The following ASMTL variants were observed in gnomAD, a reference collection of about 807,000 sequenced individuals.
ASMTL encodes the protein probable bifunctional dTTP/UTP pyrophosphatase/methyltransferase protein.
ASMTL carries 57 observed loss-of-function variants against 60.3 expected under a neutral mutation model. That is an observed-to-expected ratio of 0.95 (90% CI 0.76 to 1.18). ASMTL has a LOEUF of 1.18. Among genes scored for constraint, ASMTL ranks in the 50% most tolerant of loss-of-function variants. The probability of loss-of-function intolerance (pLI) is 0.00; values close to 1 mark genes in which losing one functional copy is unlikely to be tolerated. For missense variants in ASMTL, 981 were observed against 852.6 expected (o/e 1.15, Z -1.88); for synonymous variants, 419 against 373.0 (o/e 1.12, Z -1.42).
At chrX:1,446,065 G>A (rs186013797) in intron 1 of ASMTL, among the ~76,000 whole-genome samples, 276 of 152,278 alleles carry the variant, frequency 1.8e-3, no homozygotes, top group African/African-American at 6.3e-3. Context: ...CTCCTAGTCC[G>A]CCTTCATGTT....
intron 3 of ASMTL, 122 bp downstream of exon 3, chrX:1,438,975 G>C: frequency 9.0e-7 from 1 of 1,113,036 alleles, no homozygotes; most frequent in Non-Finnish European, 1.3e-6. Context: ...TGTGATGGGA[G>C]TTTCTGGAAG....
At chrX:1,417,943 G>A (rs2090355984) in intron 11 of ASMTL, 30 bp downstream of exon 11, 7 of 1,584,148 alleles carry the variant, frequency 4.4e-6, no homozygotes, top group Non-Finnish European at 6.0e-6. Context: ...TCTGGAAAAG[G>A]TTAGCAGGGT....
At position 1,427,977 on chromosome X, in the gene ASMTL, C is replaced by T. The variant is rs772653957; in HGVS notation, c.654G>A (p.Glu218=). ...CGTGCTTGACACTCCGCCGCAGGTC[C>T]TCCGGACGGGGCGGGTAGTAGAGCT... The part of the protein sequence containing the change: ...LVKLYYPPRP[E]DLRRSVKHDS... Residue 218 remains glutamate (E), a synonymous_variant, in exon 7 of 13, where the codon GAG becomes GAA. Transcript: ENST00000381317. 1 of 1,613,606 alleles carries T rather than the reference C, an allele frequency of 6.2e-7. No homozygotes were observed. Among genetic ancestry groups the T allele is most frequent in the South Asian group, 1.1e-5 (1 of 91,076 alleles).
intron 5 of ASMTL, 140 bp from the exon 6 acceptor site, chrX:1,432,517 G>A (rs766689013): frequency 7.2e-6 from 5 of 691,094 alleles, no homozygotes; most frequent in South Asian, 3.4e-5. Flanking sequence ...GGGAGAATAA[G>A]GTTCATTTCG....
intron 12 of ASMTL, 43 bp from the exon 13 acceptor site, chrX:1,403,532 G>A (rs371222970): frequency 2.8e-5 from 44 of 1,582,220 alleles, no homozygotes; most frequent in Admixed American, 1.8e-4. Context: ...CCAGCCAGGC[G>A]GGGATCCTTC....
rs768974883 is a variant in ASMTL, at chrX:1,412,716, G to C, written c.1645+16C>G. The C allele has an allele frequency of 6.2e-6, 10 of 1,613,952 alleles. No individual in the cohort carries two copies. In the South Asian group the frequency reaches 9.9e-5, roughly 16 times the overall value. On this transcript the variant is annotated intron_variant, in intron 12 of 12. Coordinates refer to ENST00000381317, the MANE Select transcript of ASMTL (RefSeq NM_004192.4). ...ACGTCTTAACAAAAACAGCTAACCT[G>C]ACGATGGGCTCTCACCTGGCTTGCA...
At position 1,421,126 on chromosome X, in the gene ASMTL, AT is replaced by A. The variant is rs201727845; in HGVS notation, c.1245+531del. Among the ~76,000 whole-genome samples, 1,074 of 149,234 alleles carry A rather than the reference AT, an allele frequency of 7.2e-3. 16 individuals are homozygous for A. The highest frequency in any genetic ancestry group is 0.025 in the African/African-American group (999 of 40,678). On this transcript the variant is annotated intron_variant, in intron 9 of 12. Coordinates refer to ENST00000381317, the MANE Select transcript of ASMTL (RefSeq NM_004192.4). Reference sequence around the variant, plus strand: ...AGGCACGCGCCATCATCCCCAGCTAATTTTTTTTTTGTATTTTTAGTAGAGA... The same window carrying A: ...AGGCACGCGCCATCATCCCCAGCTAATTTTTTTTTGTATTTTTAGTAGAGA...
At chrX:1,404,919 GTAGA>G (rs1263564091) in intron 12 of ASMTL, among the ~76,000 whole-genome samples, 77 of 147,026 alleles carry the variant, frequency 5.2e-4, no homozygotes, top group African/African-American at 1.9e-3. Context: ...GGGTACGTAG[GTAGA>G]TGTATGGATG....
chrX:1,443,244 C>T (rs1394046272), intron 1 of ASMTL, among the ~76,000 whole-genome samples: 4 of 35,306 alleles, frequency 1.1e-4, no homozygotes, highest in Admixed American at 6.9e-4. Context: ...ACACCGCCGT[C>T]GTGGACACAC....
At chrX:1,417,028 G>GAC (rs1556656728) in intron 11 of ASMTL, among the ~76,000 whole-genome samples, 1 of 22,280 alleles carries the variant, frequency 4.5e-5, no homozygotes, top group African/African-American at 5.4e-5. Flanking sequence ...AACACACAGA[G>GAC]ACACAGACAC....
intron 3 of ASMTL, among the ~76,000 whole-genome samples, chrX:1,436,112 G>A (rs1226018430): frequency 2.6e-5 from 4 of 152,152 alleles, no homozygotes; most frequent in Non-Finnish European, 5.9e-5. Flanking sequence ...TCCGGGGCTG[G>A]TTTCTGTCAC....
chrX:1,416,440 C>CGG (rs1295738641), intron 11 of ASMTL, among the ~76,000 whole-genome samples: 5,504 of 92,904 alleles, frequency 0.059, 1,436 homozygotes, highest in Non-Finnish European at 0.082. Context: ...CGCACATAAA[C>CGG]ATAGACATGC....
chrX:1,452,953 C>G, upstream of ASMTL: 1 of 800,078 alleles, frequency 1.2e-6, no homozygotes, highest in Non-Finnish European at 1.9e-6. Context: ...CGAGGCCACG[C>G]CCCCGCCCGC....
At chrX:1,432,530 CA>C (rs1445111566) in intron 5 of ASMTL, 153 bp from the exon 6 acceptor site, 2 of 183,714 alleles carry the variant, frequency 1.1e-5, no homozygotes, top group African/African-American at 4.8e-5. Flanking sequence ...TCATTTCGGA[CA>C]AGAAAAGGGA....
Position 1,418,034 on chromosome X carries a change from G to A in ASMTL, c.1461C>T (p.Ile487=), listed in dbSNP as rs376727581. 58 of 1,613,474 alleles carry A rather than the reference G, an allele frequency of 3.6e-5. No individual in the cohort carries two copies. The highest frequency in any genetic ancestry group is 8.9e-5 in the East Asian group (4 of 44,882). ...QVTVFDLPDI[I]ELAAHFQPPG... ...GGGGTTGGAAGTGGGCGGCCAGCTCGATAATGTCTGGGAGGTCAAACACAG... is the reference window on the plus strand; with the variant it reads ...GGGGTTGGAAGTGGGCGGCCAGCTCAATAATGTCTGGGAGGTCAAACACAG... Residue 487 remains isoleucine, a synonymous_variant, in exon 11 of 13, where the codon ATC becomes ATT. Transcript: ENST00000381317.
chrX:1,437,795 G>A (rs1194105767), intron 3 of ASMTL, among the ~76,000 whole-genome samples: 117 of 151,752 alleles, frequency 7.7e-4, no homozygotes, highest in African/African-American at 2.8e-3. Context: ...TACTCGGGAG[G>A]CTGAGGCAGG....
chrX:1,432,429 G>A (rs1202932781), intron 5 of ASMTL, 52 bp from the exon 6 acceptor site: 7 of 1,409,398 alleles, frequency 5.0e-6, no homozygotes, highest in African/African-American at 2.8e-5. Context: ...TGTCACCTCC[G>A]TGCCCTGACA....
intron 11 of ASMTL, chrX:1,413,090 C>T: frequency 1.8e-6 from 1 of 560,210 alleles, no homozygotes; most frequent in Non-Finnish European, 3.2e-6. Flanking sequence ...ACGCTGGGGA[C>T]AGTGGCTCAC....
At chrX:1,421,975 A>C in intron 8 of ASMTL, 133 bp from the exon 9 acceptor site, 2 of 814,512 alleles carry the variant, frequency 2.5e-6, no homozygotes, top group Non-Finnish European at 2.1e-6. Flanking sequence ...ACTCAAGGAA[A>C]CCTGACCATA....
Sources: allele counts gnomAD v4.1 joint callset (sites outside exome capture counted in the v4.1 genomes callset), GRCh38; gene constraint gnomAD v4.1.1; transcripts MANE v1.5; gene names NCBI Gene and HGNC (gene_info 2026-07-23, HGNC 2026-07-21).